KDM4C: variants seen among roughly 807,000 people sequenced by gnomAD.
KDM4C encodes the protein lysine-specific demethylase 4C.
Under a neutral mutation model 129.3 loss-of-function variants are expected in KDM4C, and 81 were observed. The observed-to-expected ratio is 0.63, with a 90% CI of 0.52 to 0.75. KDM4C has a LOEUF of 0.75. Among genes scored for constraint, KDM4C ranks in the 30% least tolerant of loss-of-function variants. The pLI, the probability that KDM4C is intolerant of heterozygous loss-of-function variation, is 0.00. For missense variants in KDM4C, 1,457 were observed against 1,304.0 expected, an observed-to-expected ratio of 1.12 and a Z score of -1.81; for synonymous variants, 573 against 456.1, an observed-to-expected ratio of 1.26 and a Z score of -3.26.
chr9:6,977,112 T>C (rs748771254), intron 8 of KDM4C, among the ~76,000 whole-genome samples: 1 of 152,166 alleles, frequency 6.6e-6, no homozygotes, highest in Non-Finnish European at 1.5e-5. Flanking sequence ...CCTCCCAAAG[T>C]TCTGGGACTA....
At chr9:7,145,900 A>T (rs1266389755) in intron 19 of KDM4C, among the ~76,000 whole-genome samples, 5 of 152,192 alleles carry the variant, frequency 3.3e-5, no homozygotes, top group African/African-American at 2.4e-5. Context: ...CCTCCAGGAC[A>T]CTCTGAGGAT....
chr9:7,065,112 A>C (rs1443385580), intron 17 of KDM4C, among the ~76,000 whole-genome samples: 1 of 152,202 alleles, frequency 6.6e-6, no homozygotes, highest in East Asian at 1.9e-4. Context: ...CCACCTATCA[A>C]AGGGAATTTG....
At chr9:6,920,263 T>C (rs1320058198) in intron 8 of KDM4C, among the ~76,000 whole-genome samples, 1 of 152,114 alleles carries the variant, frequency 6.6e-6, no homozygotes, top group East Asian at 1.9e-4. Flanking sequence ...ATGAGTCCCA[T>C]GGGGTCAGTC....
chr9:7,103,503 A>G (rs1837331588), intron 17 of KDM4C, among the ~76,000 whole-genome samples, 182 bp from the exon 18 acceptor site: 1 of 152,184 alleles, frequency 6.6e-6, no homozygotes, highest in African/African-American at 2.4e-5. Flanking sequence ...TCCTTTAAAG[A>G]AAGTAGATTA....
chr9:7,151,733 C>T (rs1362212732), intron 19 of KDM4C, among the ~76,000 whole-genome samples: 1 of 152,098 alleles, frequency 6.6e-6, no homozygotes, highest in Non-Finnish European at 1.5e-5. Flanking sequence ...TTGGAGTTTC[C>T]CAGAATGATT....
intron 15 of KDM4C, among the ~76,000 whole-genome samples, chr9:7,039,248 A>G (rs377655602): frequency 1.3e-5 from 2 of 152,146 alleles, no homozygotes; most frequent in East Asian, 3.9e-4. Flanking sequence ...GGATCTGGAC[A>G]TTTTGAATAC....
At chr9:7,148,484 T>TA (rs1387570170) in intron 19 of KDM4C, among the ~76,000 whole-genome samples, 1 of 152,206 alleles carries the variant, frequency 6.6e-6, no homozygotes, top group African/African-American at 2.4e-5. Context: ...GCTGTAGTGT[T>TA]ACGGCAGCTC....
At chr9:6,840,855 C>T (rs981618210) in intron 4 of KDM4C, among the ~76,000 whole-genome samples, 4 of 152,120 alleles carry the variant, frequency 2.6e-5, no homozygotes, top group Admixed American at 2.6e-4. Context: ...TGGTGCATGC[C>T]ATGTTGTTAG....
chr9:7,169,399 G>A (rs1180783598), intron 20 of KDM4C, among the ~76,000 whole-genome samples: 1 of 152,106 alleles, frequency 6.6e-6, no homozygotes, highest in East Asian at 1.9e-4. Flanking sequence ...GCAGTGGTGC[G>A]ATCTCAGCTC....
intron 2 of KDM4C, among the ~76,000 whole-genome samples, chr9:6,804,082 C>A (rs1486393977): frequency 6.6e-6 from 1 of 152,208 alleles, no homozygotes; most frequent in African/African-American, 2.4e-5. Context: ...CTTGGCCTCC[C>A]AAAGTGCTAA....
At chr9:6,946,181 G>GATTTTGAC (rs1477108044) in intron 8 of KDM4C, among the ~76,000 whole-genome samples, 1 of 152,084 alleles carries the variant, frequency 6.6e-6, no homozygotes, top group South Asian at 2.1e-4. Flanking sequence ...TACATGGAGA[G>GATTTTGAC]ATTTTGACAA....
At chr9:7,142,128 A>G (rs116624008) in intron 19 of KDM4C, among the ~76,000 whole-genome samples, 1 of 152,212 alleles carries the variant, frequency 6.6e-6, no homozygotes, top group African/African-American at 2.4e-5. Flanking sequence ...TGAGCATATG[A>G]TTACACATAT....
chr9:6,858,461 G>A (rs1840301189), intron 5 of KDM4C, among the ~76,000 whole-genome samples: 1 of 152,038 alleles, frequency 6.6e-6, no homozygotes. Context: ...TTTCTTTATT[G>A]TGTACTTCAT....
intron 1 of KDM4C, among the ~76,000 whole-genome samples, chr9:6,762,447 C>T (rs569826112): frequency 6.6e-6 from 1 of 152,154 alleles, no homozygotes; most frequent in South Asian, 2.1e-4. Context: ...TCTGGGATTA[C>T]AGGTGTGAGC....
rs535350722 is a variant in KDM4C at position 6,848,142 on chromosome 9, C to A, written c.436-1365C>A. 2.6e-5 allele frequency among the ~76,000 whole-genome samples: 4 copies of A among 152,048 alleles called. No individual in the cohort carries two copies. In the South Asian group the frequency reaches 8.3e-4, roughly 32 times the overall value. ...CTCCTGGGCTCAAGTGATCTGCTTTCCTCAGCCTCCCAAAGTGCTGGGATT... is the reference window on the plus strand; with the variant it reads ...CTCCTGGGCTCAAGTGATCTGCTTTACTCAGCCTCCCAAAGTGCTGGGATT... On this transcript the variant is annotated intron_variant, in intron 4 of 21. Transcript: ENST00000381309.
intron 19 of KDM4C, among the ~76,000 whole-genome samples, chr9:7,146,140 C>G (rs965471149): frequency 6.6e-6 from 1 of 152,130 alleles, no homozygotes; most frequent in Non-Finnish European, 1.5e-5. Flanking sequence ...ATGGAAAAAT[C>G]AGGCACAAAA....
intron 8 of KDM4C, among the ~76,000 whole-genome samples, chr9:6,936,654 T>C (rs1824849613): frequency 6.6e-6 from 1 of 152,256 alleles, no homozygotes. Flanking sequence ...ATGGCTATTC[T>C]GTTCTCTGGA....
At chr9:6,734,167 G>T (rs2130229871) in intron 1 of KDM4C, among the ~76,000 whole-genome samples, 1 of 152,070 alleles carries the variant, frequency 6.6e-6, no homozygotes, top group South Asian at 2.1e-4. Context: ...ACTTAACAAG[G>T]CACCTTAATT....
chr9:6,844,353 C>A lies in KDM4C; in HGVS notation c.436-5154C>A, dbSNP rs142742223. Among the ~76,000 whole-genome samples, 114 of 152,298 alleles carry A rather than the reference C, an allele frequency of 7.5e-4. 2 individuals are homozygous for A. The East Asian group carries it at 0.021, about 28-fold the overall frequency. ...AATAAATGTGACCATTCTCTAGCCA[C>A]CCCTTCACACACCCCGGGTTCTGAA... is the stretch of plus-strand genomic sequence containing the variant. On this transcript the variant is annotated intron_variant, in intron 4 of 21. Transcript: ENST00000381309.
Sources: gnomAD v4.1 joint callset for allele counts (sites outside exome capture counted in the v4.1 genomes callset) on GRCh38, gnomAD v4.1.1 for gene constraint, MANE v1.5 for transcripts, NCBI Gene and HGNC (gene_info 2026-07-23, HGNC 2026-07-21) for gene names.